Variants in PRG4 observed in about 807,000 individuals in gnomAD.
PRG4 encodes the protein proteoglycan 4.
In PRG4, 61 loss-of-function variants were observed where a neutral mutation model predicts 91.2. The observed-to-expected ratio is 0.67, with a 90% confidence interval of 0.54 to 0.83. The LOEUF is 0.83. Among genes scored for constraint, PRG4 ranks in the 40% least tolerant of loss-of-function variants. The probability of loss-of-function intolerance (pLI) is 0.00; values close to 1 mark genes in which losing one functional copy is unlikely to be tolerated. For synonymous variants in PRG4, 576 were observed against 614.2 expected, an observed-to-expected ratio of 0.94 and a Z score of 0.92; for missense variants, 1,564 against 1,714.2, an observed-to-expected ratio of 0.91 and a Z score of 1.55.
chr1:186,297,443 A>AT (rs1226888949), intron 2 of PRG4, among the ~76,000 whole-genome samples: 1 of 152,202 alleles, frequency 6.6e-6, no homozygotes, highest in Non-Finnish European at 1.5e-5. Flanking sequence ...AGTCTTGAAA[A>AT]TGTTCTCTTT....
chr1:186,298,940 C>T (rs894244325), intron 2 of PRG4, among the ~76,000 whole-genome samples: 22 of 152,044 alleles, frequency 1.4e-4, no homozygotes, highest in African/African-American at 4.3e-4. Context: ...CACTCATGTA[C>T]GCAAAAAGTT....
Position 186,308,084 on chromosome 1 carries a change from C to A in PRG4, c.2365C>A (p.Pro789Thr). 1.2e-6 allele frequency: 2 copies of A among 1,610,714 alleles called. No homozygotes were observed. The highest frequency in any genetic ancestry group is 8.5e-7 in the Non-Finnish European group (1 of 1,179,170). Residue 789 changes from proline to threonine, a missense_variant, in exon 7 of 13, where the codon CCT becomes ACT. This residue lies in a region of PRG4 where 1,079 missense variants were observed against 1,162.2 expected (regional missense o/e 0.93). Transcript: ENST00000445192. ...GACTGCTCCAACTACCCTCAAGGAA[C>A]CTGCACCCACTACTCCCAAGAAGCC... ...KGTAPTTLKE[P>T]APTTPKKPAP...
At chr1:186,313,550 AAATT>A in intron 12 of PRG4, 127 bp from the exon 13 acceptor site, 1 of 626,576 alleles carries the variant, frequency 1.6e-6, no homozygotes, top group South Asian at 2.0e-5. Context: ...TATAAAGTTC[AAATT>A]AATTAGTAAA....
chr1:186,306,395 T>TC lies in PRG4; in HGVS notation c.676_677insC (p.Leu226SerfsTer5). On this transcript the variant is annotated frameshift_variant, in exon 7 of 13. Transcript: ENST00000445192. LOFTEE classifies it high-confidence loss of function. ...AGTTGTAGATGAAGCTGGAAGTGGATTGGACAATGGTGACTTCAAGGTCAC... is the reference window on the plus strand; with the variant it reads ...AGTTGTAGATGAAGCTGGAAGTGGATCTGGACAATGGTGACTTCAAGGTCAC... The TC allele has an allele frequency of 6.2e-7, 1 of 1,612,914 alleles. No individual in the cohort carries two copies. The highest frequency in any genetic ancestry group is 1.7e-5 in the Admixed American group (1 of 59,916).
intron 4 of PRG4, 55 bp from the exon 5 acceptor site, chr1:186,304,053 G>A (rs1264370705): frequency 2.5e-6 from 4 of 1,584,914 alleles, no homozygotes; most frequent in African/African-American, 1.3e-5. Context: ...TTCACAGTTA[G>A]AGCTGCTGAT....
At chr1:186,310,135 T>C (rs552969569) in intron 8 of PRG4, among the ~76,000 whole-genome samples, 1 of 86,290 alleles carries the variant, frequency 1.2e-5, no homozygotes, top group Non-Finnish European at 2.4e-5. Flanking sequence ...TCATTTTTTT[T>C]GGGGGGGGGG....
At chr1:186,301,459 C>T (rs1487968480) in intron 3 of PRG4, 133 bp from the exon 4 acceptor site, 4 of 1,331,384 alleles carry the variant, frequency 3.0e-6, no homozygotes, top group Non-Finnish European at 4.2e-6. Context: ...ATGATGTACT[C>T]CAAATTTCAA....
chr1:186,310,127 A>ATT (rs542991952), intron 8 of PRG4, among the ~76,000 whole-genome samples: 1 of 59,660 alleles, frequency 1.7e-5, no homozygotes, highest in African/African-American at 9.0e-5. Context: ...AAAGTAGTTC[A>ATT]TTTTTTTTGG....
intron 10 of PRG4, 57 bp from the exon 11 acceptor site, chr1:186,312,118 T>C: frequency 4.6e-6 from 7 of 1,518,576 alleles, no homozygotes; most frequent in Non-Finnish European, 6.4e-6. Context: ...TTTCCACCTT[T>C]TCTGAGGGTA....
At chr1:186,299,660 C>T (rs1309125481) in intron 2 of PRG4, among the ~76,000 whole-genome samples, 2 of 152,132 alleles carry the variant, frequency 1.3e-5, no homozygotes, top group African/African-American at 4.8e-5. Context: ...TGTGTTTCAG[C>T]TTTCTTAGCT....
intron 4 of PRG4, among the ~76,000 whole-genome samples, chr1:186,302,124 T>C (rs1179802824): frequency 6.6e-6 from 1 of 152,192 alleles, no homozygotes; most frequent in Non-Finnish European, 1.5e-5. Context: ...TTTGAGTATA[T>C]ATTTAAGGAC....
rs182015098 is a variant in PRG4, at chr1:186,304,318, T to G, written c.469+61T>G. The G allele has an allele frequency of 3.1e-5, 47 of 1,531,320 alleles. No individual in the cohort carries two copies. The Admixed American group carries it at 7.5e-4, about 25-fold the overall frequency. The allele number at this position is 1,531,320 out of a possible 1,614,324, so 94.9% of individuals were successfully genotyped here. A position where few individuals can be genotyped will look rare whatever the true frequency, so the allele number is the denominator to read the frequency against. ...TTAGATGAAGTAACTTGTAGGTGAC[T>G]GCTTATCTAAGCCCATTCTCAGAGA... On this transcript the variant is annotated intron_variant, in intron 5 of 12. Coordinates refer to ENST00000445192, the MANE Select transcript of PRG4 (RefSeq NM_005807.6).
chr1:186,303,829 G>A lies in PRG4; in HGVS notation c.320-279G>A, dbSNP rs140857894. Among the ~76,000 whole-genome samples the A allele has an allele frequency of 1.4e-4, 22 of 152,280 alleles. No homozygotes were observed. In the East Asian group the frequency reaches 4.2e-3, roughly 29 times the overall value. ...AAGTTCAAGATAATTATTTGCCTAAGGTCACAATGGTAGAGGCTCGCAGGC... is the reference window on the plus strand; with the variant it reads ...AAGTTCAAGATAATTATTTGCCTAAAGTCACAATGGTAGAGGCTCGCAGGC... On this transcript the variant is annotated intron_variant, in intron 4 of 12. Coordinates refer to ENST00000445192, the MANE Select transcript of PRG4 (RefSeq NM_005807.6).
At position 186,306,882 on chromosome 1, in the gene PRG4, C is replaced by G; in HGVS notation, c.1163C>G (p.Ser388Cys). 1 of 1,563,428 alleles carries G rather than the reference C, an allele frequency of 6.4e-7. No homozygotes were observed. The highest frequency in any genetic ancestry group is 8.6e-7 in the Non-Finnish European group (1 of 1,156,076). The change falls in exon 7 of 13, where the codon TCT becomes TGT. Residue 388 changes from serine (S) to cysteine (C), a missense_variant. By Grantham distance (112) the Ser-to-Cys change is moderately radical. Transcript: ENST00000445192. The stretch of plus-strand genomic sequence containing the variant: ...GAGCCTGCACCCACCACCACCAAGT[C>G]TGCACCCACCACTCCCAAGGAGCCT... ...PKEPAPTTTK[S>C]APTTPKEPAP...
In PRG4 at chr1:186,296,969, C is replaced by G. The variant is rs761330941; in HGVS notation, c.76+18C>G. On this transcript the variant is annotated intron_variant, in intron 2 of 12. Transcript: ENST00000445192. ...ATCTCAAGGTAGCTTAACCATCGAACATACTTTTATTTAACAACTATTGCT... is the reference window on the plus strand; with the variant it reads ...ATCTCAAGGTAGCTTAACCATCGAAGATACTTTTATTTAACAACTATTGCT... 3 of 1,596,538 alleles carry G rather than the reference C, an allele frequency of 1.9e-6. No individual in the cohort carries two copies. The highest frequency in any genetic ancestry group is 2.6e-6 in the Non-Finnish European group (3 of 1,164,188).
At chr1:186,309,763 T>C (rs769169042) in intron 7 of PRG4, 30 bp from the exon 8 acceptor site, 21 of 1,466,190 alleles carry the variant, frequency 1.4e-5, no homozygotes, top group Admixed American at 3.3e-5. Flanking sequence ...TTCTGTTCTA[T>C]ATTTGTTTTG....
At position 186,309,848 on chromosome 1, in the gene PRG4, T is replaced by A; in HGVS notation, c.3477T>A (p.Asn1159Lys). Residue 1159 changes from asparagine to lysine, a missense_variant, in exon 8 of 13, where the codon AAT becomes AAA. Around this residue, in one of 3 missense-constraint regions of PRG4, gnomAD observed 1,079 missense variants for 1,162.2 expected, o/e 0.93. Coordinates refer to ENST00000445192, the MANE Select transcript of PRG4 (RefSeq NM_005807.6). Reference sequence around the variant, plus strand: ...TAGATGGACTGACTACTTTGCGCAATGGGACATTAGTTGCATTCCGAGGTG... The same window carrying A: ...TAGATGGACTGACTACTTTGCGCAAAGGGACATTAGTTGCATTCCGAGGTG... Reference protein sequence around the residue: ...KPVDGLTTLRNGTLVAFRGHY... With the variant: ...KPVDGLTTLRKGTLVAFRGHY... 6.2e-7 allele frequency: 1 copy of A among 1,613,720 alleles called. No individual in the cohort carries two copies. Among genetic ancestry groups the A allele is most frequent in the Non-Finnish European group, 8.5e-7 (1 of 1,179,686 alleles).
intron 7 of PRG4, among the ~76,000 whole-genome samples, chr1:186,309,394 A>G (rs1436821956): frequency 6.6e-6 from 1 of 152,218 alleles, no homozygotes; most frequent in Non-Finnish European, 1.5e-5. Flanking sequence ...TAGAAAGTCA[A>G]AAAAATTTAG....
chr1:186,313,117 C>T (rs1006496497), intron 12 of PRG4: 7 of 544,474 alleles, frequency 1.3e-5, no homozygotes, highest in African/African-American at 5.7e-5. Context: ...TACGATAAAA[C>T]ATCCAGTTAC....
Sources: gnomAD v4.1 joint callset for allele counts (sites outside exome capture counted in the v4.1 genomes callset) on GRCh38, gnomAD v4.1.1 for gene constraint, gnomAD v4.1.1 regional missense constraint, MANE v1.5 for transcripts, NCBI Gene and HGNC (gene_info 2026-07-23, HGNC 2026-07-21) for gene names.